Variants in MALRD1 observed in about 807,000 individuals in gnomAD.
The protein encoded by MALRD1 is MAM and LDL-receptor class A domain-containing protein 1.
In MALRD1, 247 loss-of-function variants were observed where a neutral mutation model predicts 242.1. The ratio of observed to expected loss-of-function variants is 1.02; its 90% CI spans 0.92 to 1.13. The LOEUF (loss-of-function observed/expected upper bound fraction) is 1.13. MALRD1 is among the 50% of genes most tolerant of loss of function. The pLI is 0.00. For missense variants in MALRD1, 2,989 were observed against 2,533.1 expected (o/e 1.18, Z -3.86); for synonymous variants, 995 against 866.6 (o/e 1.15, Z -2.60).
At chr10:19,380,291 TTGA>T (rs1480628763) in intron 26 of MALRD1, among the ~76,000 whole-genome samples, 2 of 149,478 alleles carry the variant, frequency 1.3e-5, no homozygotes, top group African/African-American at 5.0e-5. Flanking sequence ...TTTTTTTTTT[TTGA>T]TTGAATGACC....
chr10:19,469,755 C>G (rs1836402751), intron 29 of MALRD1, among the ~76,000 whole-genome samples: 1 of 151,950 alleles, frequency 6.6e-6, no homozygotes, highest in Non-Finnish European at 1.5e-5. Context: ...GTTGCATAAT[C>G]AAAAATTGTT....
intron 36 of MALRD1, among the ~76,000 whole-genome samples, chr10:19,679,117 CTT>C: frequency 6.6e-6 from 1 of 152,096 alleles, no homozygotes; most frequent in South Asian, 2.1e-4. Flanking sequence ...CTGATGTTTT[CTT>C]TTTTGTTGTT....
chr10:19,130,662 A>G (rs1016624265), intron 8 of MALRD1, among the ~76,000 whole-genome samples: 1 of 151,104 alleles, frequency 6.6e-6, no homozygotes, highest in Non-Finnish European at 1.5e-5. Flanking sequence ...GTATTTAATT[A>G]TGAATGTATG....
At chr10:19,266,167 A>C (rs1839967281) in intron 19 of MALRD1, among the ~76,000 whole-genome samples, 1 of 151,566 alleles carries the variant, frequency 6.6e-6, no homozygotes, top group African/African-American at 2.4e-5. Context: ...TTATCTGTTA[A>C]GACATTCTAT....
At chr10:19,539,009 T>G (rs2131370712) in intron 32 of MALRD1, among the ~76,000 whole-genome samples, 1 of 152,290 alleles carries the variant, frequency 6.6e-6, no homozygotes, top group South Asian at 2.1e-4. Flanking sequence ...AGAAAACCAT[T>G]ATTGTTATGA....
rs192358558 is a variant in MALRD1 at position 19,517,633 on chromosome 10, C to A, written c.5321-13561C>A. On this transcript the variant is annotated intron_variant, in intron 31 of 39. Transcript: ENST00000454679. ...GGGGGAGTTCTAGATACCTTGGTTA[C>A]AGATGACCTACAATTTTATGTAGTA... is the stretch of plus-strand genomic sequence containing the variant. Among the ~76,000 whole-genome samples, 319 of 152,288 alleles carry A rather than the reference C, an allele frequency of 2.1e-3. 1 individual carries two copies. Among genetic ancestry groups the A allele is most frequent in the Middle Eastern group, 6.8e-3 (2 of 294 alleles).
chr10:19,554,136 T>C (rs1353430325), intron 32 of MALRD1, among the ~76,000 whole-genome samples: 1 of 152,188 alleles, frequency 6.6e-6, no homozygotes, highest in East Asian at 1.9e-4. Context: ...AAAGTTGTAT[T>C]AGTCCACTTG....
At chr10:19,283,380 G>C (rs1231290126) in intron 21 of MALRD1, among the ~76,000 whole-genome samples, 199 bp downstream of exon 21, 1 of 152,114 alleles carries the variant, frequency 6.6e-6, no homozygotes, top group Non-Finnish European at 1.5e-5. Context: ...GAATTTCATA[G>C]AAACCGGAGA....
intron 29 of MALRD1, among the ~76,000 whole-genome samples, chr10:19,462,138 A>T (rs550536617): frequency 4.7e-4 from 71 of 152,094 alleles, no homozygotes; most frequent in African/African-American, 1.6e-3. Flanking sequence ...CATATTCACT[A>T]TGTCTTATTT....
intron 30 of MALRD1, 37 bp from the exon 31 acceptor site, chr10:19,498,448 A>C: frequency 6.6e-7 from 1 of 1,522,416 alleles, no homozygotes; most frequent in Non-Finnish European, 8.9e-7. Context: ...TGTGATAGAC[A>C]TTTCCAGAAA....
chr10:19,094,706 C>G (rs1421168151), intron 4 of MALRD1, among the ~76,000 whole-genome samples: 2 of 152,184 alleles, frequency 1.3e-5, no homozygotes, highest in African/African-American at 4.8e-5. Context: ...AGGAAGGAGA[C>G]TGTTTAAATA....
At chr10:19,694,568 A>T (rs916128606) in intron 38 of MALRD1, among the ~76,000 whole-genome samples, 1 of 152,192 alleles carries the variant, frequency 6.6e-6, no homozygotes, top group African/African-American at 2.4e-5. Context: ...AAAAGTCAGG[A>T]AACAGCAGGT....
chr10:19,403,589 A>T (rs1253971083), intron 28 of MALRD1, among the ~76,000 whole-genome samples: 3 of 152,112 alleles, frequency 2.0e-5, no homozygotes, highest in African/African-American at 7.2e-5. Context: ...TAGAGACTTA[A>T]GGTTAAAAAG....
chr10:19,590,071 A>G (rs113321586), intron 33 of MALRD1, among the ~76,000 whole-genome samples: 9 of 152,222 alleles, frequency 5.9e-5, no homozygotes, highest in African/African-American at 1.9e-4. Flanking sequence ...GCATAGTAAG[A>G]AATGGACCAA....
intron 25 of MALRD1, 34 bp from the exon 26 acceptor site, chr10:19,351,972 A>G: frequency 6.9e-7 from 1 of 1,451,882 alleles, no homozygotes; most frequent in Non-Finnish European, 9.4e-7. Flanking sequence ...TATACTAATC[A>G]TATCGTATGT....
At chr10:19,355,611 T>A (rs761899068) in intron 26 of MALRD1, among the ~76,000 whole-genome samples, 1 of 151,012 alleles carries the variant, frequency 6.6e-6, no homozygotes, top group African/African-American at 2.4e-5. Flanking sequence ...AACTCTTACA[T>A]TCAAGCAGAT....
intron 38 of MALRD1, among the ~76,000 whole-genome samples, chr10:19,698,546 G>A (rs969504943): frequency 3.3e-5 from 5 of 152,060 alleles, no homozygotes; most frequent in African/African-American, 9.7e-5. Context: ...TGAATAGTGC[G>A]GTATCTTTGG....
At chr10:19,105,577 C>G (rs1313342997) in intron 5 of MALRD1, among the ~76,000 whole-genome samples, 1 of 151,912 alleles carries the variant, frequency 6.6e-6, no homozygotes, top group African/African-American at 2.4e-5. Flanking sequence ...TCATTTGGTA[C>G]TTCTATTTTC....
chr10:19,048,847 C>A lies in MALRD1; in HGVS notation c.-92C>A, dbSNP rs1026919701. 9.8e-7 allele frequency: 1 copy of A among 1,023,942 alleles called. No homozygotes were observed. Among genetic ancestry groups the A allele is most frequent in the Non-Finnish European group, 1.3e-6 (1 of 797,786 alleles). The allele number at this position is 1,023,942 out of a possible 1,614,324, so 63.4% of individuals were successfully genotyped here. The stretch of plus-strand genomic sequence containing the variant: ...TAGTATCCAGTTATAAGAAGCAAAT[C>A]TGGGAAAGGAAGAATAGAGAAATAA... On this transcript the variant is annotated 5_prime_UTR_variant, in exon 1 of 40. The change creates a new upstream start codon in the 5' untranslated region. Transcript: ENST00000454679.
Sources: gnomAD v4.1 joint callset for allele counts (sites outside exome capture counted in the v4.1 genomes callset) on GRCh38, gnomAD v4.1.1 for gene constraint, MANE v1.5 for transcripts, NCBI Gene and HGNC (gene_info 2026-07-23, HGNC 2026-07-21) for gene names.